OSBPL10: variants seen among roughly 807,000 people sequenced by gnomAD.
The protein encoded by OSBPL10 is oxysterol binding protein like 10.
Under a neutral mutation model 81.7 loss-of-function variants are expected in OSBPL10, and 49 were observed. That is an observed-to-expected ratio of 0.60 (90% CI 0.48 to 0.76). The LOEUF (loss-of-function observed/expected upper bound fraction) is 0.76. Among genes scored for constraint, OSBPL10 ranks in the 30% least tolerant of loss-of-function variants. The pLI, the probability that OSBPL10 is intolerant of heterozygous loss-of-function variation, is 0.00. For missense variants in OSBPL10, 923 were observed against 987.8 expected, an observed-to-expected ratio of 0.93 and a Z score of 0.88; for synonymous variants, 419 against 383.6, an observed-to-expected ratio of 1.09 and a Z score of -1.08.
intron 4 of OSBPL10, 82 bp downstream of exon 4, chr3:31,829,958 A>C: frequency 2.9e-6 from 4 of 1,372,084 alleles, no homozygotes; most frequent in Non-Finnish European, 3.9e-6. Flanking sequence ...AAGACGGCGC[A>C]AAGGAAGAGG....
At chr3:31,678,251 G>A (rs1463235680) in intron 8 of OSBPL10, among the ~76,000 whole-genome samples, 2 of 152,212 alleles carry the variant, frequency 1.3e-5, no homozygotes, top group Non-Finnish European at 2.9e-5. Context: ...TGTGGCTTAA[G>A]TGAAACGGCT....
intron 3 of OSBPL10, among the ~76,000 whole-genome samples, chr3:31,843,033 T>G (rs1416105249): frequency 6.6e-6 from 1 of 152,260 alleles, no homozygotes; most frequent in Non-Finnish European, 1.5e-5. Flanking sequence ...TTGTGTGTCC[T>G]GCCTTACACC....
chr3:31,838,385 C>A (rs1292493169), intron 3 of OSBPL10, among the ~76,000 whole-genome samples: 2 of 152,010 alleles, frequency 1.3e-5, no homozygotes, highest in Admixed American at 6.6e-5. Context: ...GTGGCGGCAG[C>A]CTGTAGTCCC....
Position 31,897,214 on chromosome 3 carries a change from C to T in OSBPL10, c.282-17384G>A, listed in dbSNP as rs78044250. Among the ~76,000 whole-genome samples, 762 of 152,154 alleles carry T rather than the reference C, an allele frequency of 5.0e-3. 4 individuals carry two copies. Among genetic ancestry groups the T allele is most frequent in the African/African-American group, 0.018 (739 of 41,500 alleles). On this transcript the variant is annotated intron_variant, in intron 1 of 11. Transcript: ENST00000396556. ...AGGCTACTGGAAATGCAAGTAGAAA[C>T]GAGCAGTTAGAAACCACTGATTGAA... is the stretch of plus-strand genomic sequence containing the variant.
At chr3:31,904,115 T>C (rs1696335196) in intron 1 of OSBPL10, among the ~76,000 whole-genome samples, 1 of 152,148 alleles carries the variant, frequency 6.6e-6, no homozygotes, top group Non-Finnish European at 1.5e-5. Flanking sequence ...TTCTGCCTCT[T>C]CCGGCCACTC....
intron 9 of OSBPL10, among the ~76,000 whole-genome samples, chr3:31,669,753 G>T (rs1424085715): frequency 6.6e-6 from 1 of 152,184 alleles, no homozygotes; most frequent in Non-Finnish European, 1.5e-5. Context: ...GGGGATGCCT[G>T]CCCCAAAGCA....
chr3:31,676,998 T>C (rs1395006114), intron 8 of OSBPL10, among the ~76,000 whole-genome samples: 1 of 152,126 alleles, frequency 6.6e-6, no homozygotes, highest in Admixed American at 6.5e-5. Flanking sequence ...AGCATTTCAT[T>C]ACAGTCAAAT....
intron 1 of OSBPL10, among the ~76,000 whole-genome samples, chr3:31,966,940 C>T (rs969474613): frequency 9.2e-5 from 14 of 151,742 alleles, no homozygotes; most frequent in African/African-American, 1.2e-4. Context: ...TAATACCAAG[C>T]GCTGACAAGG....
chr3:31,790,514 C>T (rs1022385897), intron 4 of OSBPL10, among the ~76,000 whole-genome samples: 1 of 152,168 alleles, frequency 6.6e-6, no homozygotes, highest in East Asian at 1.9e-4. Flanking sequence ...TGTTCGCATA[C>T]ACCATCTGCT....
chr3:31,793,068 C>G (rs933762897), intron 4 of OSBPL10, among the ~76,000 whole-genome samples: 5 of 152,098 alleles, frequency 3.3e-5, no homozygotes, highest in Admixed American at 2.6e-4. Context: ...GAAAAAATAT[C>G]TATTAATTTA....
chr3:31,662,377 G>C (rs1700091238), intron 11 of OSBPL10: 1 of 1,212,884 alleles, frequency 8.2e-7, no homozygotes, highest in Admixed American at 4.4e-5. Context: ...CTTCCATCGA[G>C]ACTGATTACT....
chr3:31,832,634 G>C (rs1344209734), intron 3 of OSBPL10, among the ~76,000 whole-genome samples: 1 of 152,138 alleles, frequency 6.6e-6, no homozygotes, highest in Non-Finnish European at 1.5e-5. Flanking sequence ...CAGACGGAGG[G>C]AAACATACAC....
At chr3:31,770,091 A>G (rs1033626448) in intron 4 of OSBPL10, among the ~76,000 whole-genome samples, 8 of 152,324 alleles carry the variant, frequency 5.3e-5, no homozygotes, top group African/African-American at 1.9e-4. Flanking sequence ...AAAGCAATCA[A>G]TAAAAAAACC....
chr3:31,965,828 ATAT>A (rs1208727793), intron 1 of OSBPL10, among the ~76,000 whole-genome samples: 37 of 82,410 alleles, frequency 4.5e-4, no homozygotes, highest in South Asian at 1.7e-3. Flanking sequence ...TATTATATAA[ATAT>A]ATAATATATA....
intron 2 of OSBPL10, chr3:31,990,003 T>A (rs531368390): frequency 6.2e-7 from 1 of 1,614,152 alleles, no homozygotes; most frequent in East Asian, 2.2e-5. Flanking sequence ...ATAGACTTCA[T>A]ACTGGAGAGA....
intron 4 of OSBPL10, among the ~76,000 whole-genome samples, chr3:31,811,584 C>T (rs1699682878): frequency 6.6e-6 from 1 of 152,128 alleles, no homozygotes; most frequent in Non-Finnish European, 1.5e-5. Context: ...GAAACAGTTC[C>T]TAAATGTCTT....
At chr3:32,070,146 G>A (rs1035363603) in intron 1 of OSBPL10, among the ~76,000 whole-genome samples, 1 of 152,136 alleles carries the variant, frequency 6.6e-6, no homozygotes, top group Non-Finnish European at 1.5e-5. Context: ...CTCTTATGGT[G>A]GAGGGTAAGT....
intron 2 of OSBPL10, chr3:31,879,393 C>T (rs947461676): frequency 1.0e-5 from 4 of 396,936 alleles, no homozygotes; most frequent in Admixed American, 8.5e-5. Context: ...TTAAGATCTT[C>T]GAAGTCCTAA....
chr3:32,074,098 C>G (rs369427642), intron 1 of OSBPL10, among the ~76,000 whole-genome samples: 1 of 152,100 alleles, frequency 6.6e-6, no homozygotes, highest in Non-Finnish European at 1.5e-5. Context: ...CAGCCATCCC[C>G]GCTCTACAGG....
Sources: allele counts gnomAD v4.1 joint callset (sites outside exome capture counted in the v4.1 genomes callset), GRCh38; gene constraint gnomAD v4.1.1; transcripts MANE v1.5; gene names NCBI Gene and HGNC (gene_info 2026-07-23, HGNC 2026-07-21).